The following TAAR5 variants were observed in gnomAD, a reference collection of about 807,000 sequenced individuals.
The protein encoded by TAAR5 is trace amine-associated receptor 5.
TAAR5 carries 27 observed loss-of-function variants against 21.1 expected under a neutral mutation model. The ratio of observed to expected loss-of-function variants is 1.28; its 90% confidence interval spans 0.94 to 1.76. The LOEUF (loss-of-function observed/expected upper bound fraction) is 1.76, where lower values mean the gene tolerates loss of function less well. Ranked by LOEUF, TAAR5 falls within the 40% of genes most tolerant of loss-of-function variation. TAAR5 has a pLI of 0.00. For synonymous variants in TAAR5, 203 were observed against 167.5 expected, an observed-to-expected ratio of 1.21 and a Z score of -1.64; for missense variants, 495 against 405.6, an observed-to-expected ratio of 1.22 and a Z score of -1.89.
chr6:132,593,149 C>T (rs6569813), upstream of TAAR5, among the ~76,000 whole-genome samples: 48,962 of 152,016 alleles, frequency 0.32, 8,245 homozygotes, highest in Non-Finnish European at 0.38. Context: ...GGTTCCCTTA[C>T]AAAACCTGAT....
the TAAR5 span, among the ~76,000 whole-genome samples, chr6:132,600,688 C>T: frequency 3.3e-5 from 5 of 150,864 alleles, no homozygotes; most frequent in South Asian, 1.1e-3. Context: ...CTGCTCATCC[C>T]CAAAGAAGAA....
chr6:132,604,151 T>C, the TAAR5 span, among the ~76,000 whole-genome samples: 6 of 147,346 alleles, frequency 4.1e-5, no homozygotes, highest in South Asian at 6.4e-4. Flanking sequence ...CTTTTCTTTT[T>C]TTTTTTTTTT....
chr6:132,600,923 AGGAG>A, the TAAR5 span, among the ~76,000 whole-genome samples: 285 of 109,118 alleles, frequency 2.6e-3, no homozygotes, highest in African/African-American at 3.9e-3. Context: ...GAAGGAAGGA[AGGAG>A]GGAAGGAGGG....
the TAAR5 span, among the ~76,000 whole-genome samples, chr6:132,600,852 GGAGGGAAGGAAGGAAGGAGA>G: frequency 1.6e-5 from 2 of 127,990 alleles, no homozygotes; most frequent in Non-Finnish European, 3.2e-5. Flanking sequence ...AAGGAAGGAA[GGAGGGAAGGAAGGAAGGAGA>G]GAGGGAAGGA....
the TAAR5 span, among the ~76,000 whole-genome samples, chr6:132,616,377 A>G: frequency 1.3e-5 from 2 of 152,238 alleles, no homozygotes; most frequent in African/African-American, 4.8e-5. Context: ...ACTTTAGTAG[A>G]TATTCCACAT....
the TAAR5 span, among the ~76,000 whole-genome samples, chr6:132,614,675 T>C: frequency 6.6e-6 from 1 of 152,102 alleles, no homozygotes; most frequent in African/African-American, 2.4e-5. Context: ...TGTAGAGGAT[T>C]AAGGTATATG....
At chr6:132,590,966 G>GT (rs1175555604), upstream of TAAR5, among the ~76,000 whole-genome samples, 2 of 152,088 alleles carry the variant, frequency 1.3e-5, no homozygotes, top group Admixed American at 1.3e-4. Context: ...TTGATCATGG[G>GT]TTTTTTGGTT....
the TAAR5 span, among the ~76,000 whole-genome samples, chr6:132,604,553 C>T: frequency 6.6e-6 from 1 of 151,962 alleles, no homozygotes; most frequent in Non-Finnish European, 1.5e-5. Flanking sequence ...AATAGTCCCC[C>T]ACATAGGGCA....
chr6:132,588,974 T>C lies in TAAR5; in HGVS notation c.713A>G (p.Lys238Arg). 6.2e-7 allele frequency: 1 copy of C among 1,614,104 alleles called. No homozygotes were observed. The highest frequency in any genetic ancestry group is 1.3e-5 in the African/African-American group (1 of 75,048). Residue 238 changes from lysine to arginine, a missense_variant, in exon 1 of 1, where the codon AAA becomes AGA. Physicochemically the swap from Lys to Arg is conservative, Grantham distance 26. Transcript: ENST00000258034. ...ATGCTTGGCAGCCCCAGCCAGGCTTTTGCTCAATGTGGTAATCTGCTGAGC... is the reference window on the plus strand; with the variant it reads ...ATGCTTGGCAGCCCCAGCCAGGCTTCTGCTCAATGTGGTAATCTGCTGAGC... ...RQAQQITTLS[K>R]SLAGAAKHER...
At chr6:132,600,823 GGGAA>G in the TAAR5 span, among the ~76,000 whole-genome samples, 16 of 86,862 alleles carry the variant, frequency 1.8e-4, no homozygotes, top group African/African-American at 4.5e-4. Flanking sequence ...GAAGGAGGGA[GGGAA>G]GGAAGGAAGG....
chr6:132,616,622 G>T, the TAAR5 span, among the ~76,000 whole-genome samples: 1 of 152,154 alleles, frequency 6.6e-6, no homozygotes, highest in Non-Finnish European at 1.5e-5. Context: ...TCTAGTAAAG[G>T]CTTAACTCTC....
Position 132,588,975 on chromosome 6 carries a change from T to A in TAAR5, c.712A>T (p.Lys238Ter). 1 of 1,614,090 alleles carries A rather than the reference T, an allele frequency of 6.2e-7. No individual in the cohort carries two copies. The highest frequency in any genetic ancestry group is 8.5e-7 in the Non-Finnish European group (1 of 1,179,990). ...TGCTTGGCAGCCCCAGCCAGGCTTTTGCTCAATGTGGTAATCTGCTGAGCC... is the reference window on the plus strand; with the variant it reads ...TGCTTGGCAGCCCCAGCCAGGCTTTAGCTCAATGTGGTAATCTGCTGAGCC... ...RQAQQITTLS[K>*]SLAGAAKHER... Residue 238 changes from lysine (K) to a stop codon, truncating the protein, a stop_gained, in exon 1 of 1, where the codon AAA becomes TAA. Coordinates refer to ENST00000258034, the MANE Select transcript of TAAR5 (RefSeq NM_003967.3). LOFTEE classifies it high-confidence loss of function.
the TAAR5 span, among the ~76,000 whole-genome samples, chr6:132,609,917 T>C: frequency 2.3e-3 from 350 of 152,268 alleles, 1 homozygote; most frequent in African/African-American, 8.3e-3. Flanking sequence ...CTTCTTAGCT[T>C]CTCTGTTTGC....
At chr6:132,590,473 C>G (rs1190829972), upstream of TAAR5, among the ~76,000 whole-genome samples, 1 of 152,172 alleles carries the variant, frequency 6.6e-6, no homozygotes, top group African/African-American at 2.4e-5. Flanking sequence ...ATATTGAATT[C>G]AGAGTTTCTA....
the TAAR5 span, among the ~76,000 whole-genome samples, chr6:132,616,139 T>A: frequency 6.6e-6 from 1 of 152,312 alleles, no homozygotes; most frequent in Non-Finnish European, 1.5e-5. Flanking sequence ...AAAGATTTTT[T>A]AAATGTATAT....
At chr6:132,589,743 A>C (rs886252324), upstream of TAAR5, 1 of 19,184 alleles carries the variant, frequency 5.2e-5, no homozygotes, top group Non-Finnish European at 8.1e-5. Context: ...ACTGGAGGGC[A>C]AAAAAAAAAA....
chr6:132,589,112 C>T lies in TAAR5; in HGVS notation c.575G>A (p.Cys192Tyr). 1 of 1,613,422 alleles carries T rather than the reference C, an allele frequency of 6.2e-7. No homozygotes were observed. The highest frequency in any genetic ancestry group is 8.5e-7 in the Non-Finnish European group (1 of 1,179,630). Reference sequence around the variant, plus strand: ...CCAAAATTTATTGAGCAGCAGCTGGCAACTGCCCACACAAGGCATCTCTTC... The same window carrying T: ...CCAAAATTTATTGAGCAGCAGCTGGTAACTGCCCACACAAGGCATCTCTTC... ...WLEEMPCVGS[C>Y]QLLLNKFWGW... Residue 192 changes from cysteine to tyrosine, a missense_variant, in exon 1 of 1, where the codon TGC becomes TAC. Cys to Tyr is a radical substitution (Grantham distance 194). Transcript: ENST00000258034.
At chr6:132,613,286 C>T in the TAAR5 span, among the ~76,000 whole-genome samples, 5 of 152,270 alleles carry the variant, frequency 3.3e-5, no homozygotes, top group African/African-American at 1.2e-4. Context: ...AACTGATTTG[C>T]AAATAAACTT....
chr6:132,590,562 A>G (rs373891345), upstream of TAAR5, among the ~76,000 whole-genome samples: 8 of 152,216 alleles, frequency 5.3e-5, no homozygotes, highest in African/African-American at 1.9e-4. Flanking sequence ...AGGGAATGTC[A>G]GAGTACTCTT....
Sources: allele counts gnomAD v4.1 joint callset (sites outside exome capture counted in the v4.1 genomes callset), GRCh38; gene constraint gnomAD v4.1.1; transcripts MANE v1.5; gene names NCBI Gene and HGNC (gene_info 2026-07-23, HGNC 2026-07-21).